MIPOL1: variants seen among roughly 807,000 people sequenced by gnomAD.
The protein encoded by MIPOL1 is mirror-image polydactyly gene 1 protein.
A neutral mutation model predicts 60.9 loss-of-function variants in MIPOL1; 57 were observed. The observed-to-expected ratio is 0.94, with a 90% CI of 0.76 to 1.17. The LOEUF is 1.17. Ranked by LOEUF, MIPOL1 falls within the 50% of genes most tolerant of loss-of-function variation. The pLI is 0.00. For missense variants in MIPOL1, 551 were observed against 511.6 expected (o/e 1.08, Z -0.74); for synonymous variants, 179 against 168.8 (o/e 1.06, Z -0.47).
chr14:37,391,045 T>C (rs1425016739), intron 10 of MIPOL1, among the ~76,000 whole-genome samples: 1 of 152,110 alleles, frequency 6.6e-6, no homozygotes, highest in Non-Finnish European at 1.5e-5. Flanking sequence ...AAAAAAGTTG[T>C]TCAAAGAACA....
chr14:37,248,642 A>ATC (rs1178210473), intron 3 of MIPOL1, among the ~76,000 whole-genome samples: 2 of 151,474 alleles, frequency 1.3e-5, no homozygotes, highest in African/African-American at 4.9e-5. Context: ...CTATATATAT[A>ATC]TCTCTCTCTC....
chr14:37,260,241 A>T (rs897525894), intron 3 of MIPOL1, among the ~76,000 whole-genome samples: 1 of 131,778 alleles, frequency 7.6e-6, no homozygotes, highest in African/African-American at 2.9e-5. Context: ...GATCTCATCT[A>T]AAAAAAAAAA....
At chr14:37,298,421 C>T (rs1387819597) in intron 7 of MIPOL1, among the ~76,000 whole-genome samples, 3 of 152,134 alleles carry the variant, frequency 2.0e-5, no homozygotes, top group Non-Finnish European at 4.4e-5. Context: ...ACACCAAAAG[C>T]AATGGCAACA....
intron 12 of MIPOL1, among the ~76,000 whole-genome samples, chr14:37,508,514 C>A (rs2095299816): frequency 6.6e-6 from 1 of 152,082 alleles, no homozygotes; most frequent in Non-Finnish European, 1.5e-5. Flanking sequence ...TAAATAAAGA[C>A]CTTCATGTAT....
intron 10 of MIPOL1, among the ~76,000 whole-genome samples, chr14:37,410,885 G>A (rs1160408541): frequency 6.6e-6 from 1 of 152,012 alleles, no homozygotes. Context: ...CAATTCAAAA[G>A]TTAGCATATT....
chr14:37,473,731 T>C (rs1048870560), intron 11 of MIPOL1, among the ~76,000 whole-genome samples: 4 of 152,346 alleles, frequency 2.6e-5, no homozygotes, highest in African/African-American at 9.6e-5. Flanking sequence ...CATACTGATG[T>C]ATTATCATTA....
intron 10 of MIPOL1, among the ~76,000 whole-genome samples, chr14:37,375,617 A>G (rs1177832553): frequency 3.3e-5 from 5 of 152,112 alleles, no homozygotes; most frequent in Non-Finnish European, 5.9e-5. Context: ...TAAAACTTTG[A>G]TATTTATTAT....
intron 1 of MIPOL1, among the ~76,000 whole-genome samples, chr14:37,223,266 T>G (rs1009936501): frequency 1.3e-5 from 2 of 151,802 alleles, no homozygotes; most frequent in African/African-American, 4.8e-5. Flanking sequence ...CTCCTGACCT[T>G]GAGAGATCCA....
chr14:37,514,306 T>G (rs2095352104), intron 12 of MIPOL1, among the ~76,000 whole-genome samples: 1 of 152,150 alleles, frequency 6.6e-6, no homozygotes, highest in Non-Finnish European at 1.5e-5. Flanking sequence ...TTACCTGAGA[T>G]TCATTGAAGA....
chr14:37,304,204 TTTG>T (rs2086586528), intron 7 of MIPOL1, among the ~76,000 whole-genome samples: 1 of 151,796 alleles, frequency 6.6e-6, no homozygotes, highest in Non-Finnish European at 1.5e-5. Context: ...CTTCAGATCC[TTTG>T]TTGTCTTTTT....
At chr14:37,250,460 T>C (rs749817950) in intron 3 of MIPOL1, among the ~76,000 whole-genome samples, 18 of 152,042 alleles carry the variant, frequency 1.2e-4, no homozygotes, top group Non-Finnish European at 1.5e-5. Flanking sequence ...GGCAGGAGAA[T>C]CACTTGAACT....
intron 12 of MIPOL1, among the ~76,000 whole-genome samples, chr14:37,520,665 G>A (rs969381566): frequency 1.3e-4 from 20 of 151,734 alleles, no homozygotes; most frequent in African/African-American, 4.8e-4. Context: ...TTTTTGCATT[G>A]GTATAAGATA....
At chr14:37,202,933 G>A (rs1415855046) in intron 1 of MIPOL1, among the ~76,000 whole-genome samples, 1 of 152,154 alleles carries the variant, frequency 6.6e-6, no homozygotes, top group Non-Finnish European at 1.5e-5. Context: ...TTGCTTATTT[G>A]TTGCTTTTAT....
At chr14:37,474,595 A>C (rs926880979) in intron 11 of MIPOL1, among the ~76,000 whole-genome samples, 1 of 152,188 alleles carries the variant, frequency 6.6e-6, no homozygotes, top group Admixed American at 6.5e-5. Flanking sequence ...CTGTGAGTCT[A>C]TTAAACCTCT....
At chr14:37,447,297 T>C (rs2094352283) in intron 11 of MIPOL1, among the ~76,000 whole-genome samples, 1 of 152,140 alleles carries the variant, frequency 6.6e-6, no homozygotes, top group African/African-American at 2.4e-5. Flanking sequence ...TTTCTTATTT[T>C]ACTTTTTATT....
chr14:37,499,178 G>T (rs1033300796), intron 11 of MIPOL1, among the ~76,000 whole-genome samples: 4 of 151,996 alleles, frequency 2.6e-5, no homozygotes, highest in African/African-American at 9.7e-5. Flanking sequence ...ATAACCTCAG[G>T]TGGTAGGTGT....
chr14:37,474,989 CAG>C (rs1471027038), intron 11 of MIPOL1, among the ~76,000 whole-genome samples: 1 of 151,290 alleles, frequency 6.6e-6, no homozygotes, highest in Non-Finnish European at 1.5e-5. Flanking sequence ...TTTTTTGAGA[CAG>C]AGTCACTGTG....
chr14:37,360,304 C>T (rs989174974), intron 9 of MIPOL1, among the ~76,000 whole-genome samples: 20 of 151,972 alleles, frequency 1.3e-4, no homozygotes, highest in South Asian at 2.1e-4. Context: ...GTCTCTGCCA[C>T]GCTTTGGTAT....
chr14:37,365,328 G>A (rs1211589031), intron 9 of MIPOL1, among the ~76,000 whole-genome samples: 1 of 152,112 alleles, frequency 6.6e-6, no homozygotes, highest in African/African-American at 2.4e-5. Context: ...CATTCAGTAT[G>A]ATGTTTGTTG....
Sources: allele counts gnomAD v4.1 joint callset (sites outside exome capture counted in the v4.1 genomes callset), GRCh38; gene constraint gnomAD v4.1.1; transcripts MANE v1.5; gene names NCBI Gene and HGNC (gene_info 2026-07-23, HGNC 2026-07-21).